EFCAB7: variants seen among roughly 807,000 people sequenced by gnomAD.
EFCAB7 encodes the protein EF-hand calcium binding domain 7, also known as EF-hand calcium-binding domain-containing protein 7.
A neutral mutation model predicts 77.1 loss-of-function variants in EFCAB7; 66 were observed. That is an observed-to-expected ratio of 0.86 (90% CI 0.70 to 1.05). The LOEUF (loss-of-function observed/expected upper bound fraction) is 1.05, where lower values mean the gene tolerates loss of function less well. Among genes scored for constraint, EFCAB7 ranks in the 50% least tolerant of loss-of-function variants. The pLI is 0.00. For missense variants in EFCAB7, 638 were observed against 730.5 expected (o/e 0.87, Z 1.46); for synonymous variants, 225 against 243.3 (o/e 0.92, Z 0.70).
At chr1:63,534,654 T>G (rs986757787) in intron 6 of EFCAB7, among the ~76,000 whole-genome samples, 1 of 152,116 alleles carries the variant, frequency 6.6e-6, no homozygotes, top group Non-Finnish European at 1.5e-5. Flanking sequence ...ACTCAACCTT[T>G]ACTAGTTTTC....
intron 2 of EFCAB7, among the ~76,000 whole-genome samples, chr1:63,527,051 C>T (rs1393667702): frequency 1.3e-5 from 2 of 152,222 alleles, no homozygotes; most frequent in East Asian, 3.9e-4. Flanking sequence ...AGGCGTGAGC[C>T]ACCACGCCTG....
At chr1:63,542,687 T>A (rs1456878600) in intron 6 of EFCAB7, among the ~76,000 whole-genome samples, 1 of 152,208 alleles carries the variant, frequency 6.6e-6, no homozygotes, top group Non-Finnish European at 1.5e-5. Context: ...AGGTTATGAT[T>A]TGTCTTTCCT....
intron 10 of EFCAB7, 26 bp downstream of exon 10, chr1:63,557,273 G>T: frequency 6.4e-7 from 1 of 1,574,642 alleles, no homozygotes; most frequent in Non-Finnish European, 8.6e-7. Context: ...TTCCTTAACA[G>T]ATGTATAAAA....
chr1:63,554,449 C>G (rs540746195), intron 8 of EFCAB7, among the ~76,000 whole-genome samples: 90 of 152,316 alleles, frequency 5.9e-4, no homozygotes, highest in African/African-American at 2.1e-3. Context: ...AAGTGATTCT[C>G]CTGCCTCAGC....
intron 2 of EFCAB7, 60 bp downstream of exon 2, chr1:63,525,819 G>A (rs35446626): frequency 0.15 from 177,318 of 1,153,248 alleles, 14,305 homozygotes; most frequent in Middle Eastern, 0.26. Context: ...AAATAGGTCC[G>A]AAAGACTGAA....
chr1:63,530,734 A>T (rs1304927040), intron 2 of EFCAB7, among the ~76,000 whole-genome samples: 1 of 152,202 alleles, frequency 6.6e-6, no homozygotes, highest in Non-Finnish European at 1.5e-5. Flanking sequence ...CTTTATGTGC[A>T]TATATTTGAC....
rs956669227 is a variant in EFCAB7, at chr1:63,534,149, C to T, written c.737C>T (p.Ser246Phe). Residue 246 changes from serine (S) to phenylalanine (F), a missense_variant, in exon 6 of 14, where the codon TCC becomes TTC. Physicochemically the swap from Ser to Phe is radical, Grantham distance 155. Coordinates refer to ENST00000371088, the MANE Select transcript of EFCAB7 (RefSeq NM_032437.4). Reference sequence around the variant, plus strand: ...ACCAGGAAGTTCAAAACATCTGTTTCCTTCACAGTTACCATGGGGGCTAAT... The same window carrying T: ...ACCAGGAAGTTCAAAACATCTGTTTTCTTCACAGTTACCATGGGGGCTAAT... ...SATRKFKTSV[S>F]FTVTMGANGN... is the part of the protein sequence containing the mutation. 1.9e-6 allele frequency: 3 copies of T among 1,613,382 alleles called. No homozygotes were observed. The highest frequency in any genetic ancestry group is 2.5e-6 in the Non-Finnish European group (3 of 1,179,556).
intron 6 of EFCAB7, among the ~76,000 whole-genome samples, chr1:63,544,259 T>A (rs1646867887): frequency 6.6e-6 from 1 of 151,144 alleles, no homozygotes; most frequent in South Asian, 2.1e-4. Context: ...TGTGAGCCAC[T>A]GTGGCTGGCC....
rs373492103 is a variant in EFCAB7, at chr1:63,568,500, C to G, written c.1688C>G (p.Thr563Arg). Residue 563 changes from threonine to arginine, a missense_variant, in exon 12 of 14, where the codon ACG becomes AGG. Transcript: ENST00000371088. Reference sequence around the variant, plus strand: ...ACTTACAGTTGTGACACCTGGATAACGTCAGTTATTGAAAACAAGGTATCA... The same window carrying G: ...ACTTACAGTTGTGACACCTGGATAAGGTCAGTTATTGAAAACAAGGTATCA... ...VHTYSCDTWI[T>R]SVIENKSDEK... 3.7e-6 allele frequency: 6 copies of G among 1,600,936 alleles called. No homozygotes were observed. The highest frequency in any genetic ancestry group is 3.4e-6 in the Non-Finnish European group (4 of 1,176,056).
chr1:63,576,244 C>T (rs1480291441), downstream of EFCAB7, among the ~76,000 whole-genome samples: 1 of 152,088 alleles, frequency 6.6e-6, no homozygotes, highest in East Asian at 1.9e-4. Flanking sequence ...ACTTGGGAGG[C>T]CGAGGCTGGC....
chr1:63,560,837 C>CTAT (rs1207512899), intron 10 of EFCAB7, among the ~76,000 whole-genome samples: 2 of 152,092 alleles, frequency 1.3e-5, no homozygotes, highest in Non-Finnish European at 2.9e-5. Flanking sequence ...ATGTTTTAAG[C>CTAT]TATTAATCAG....
intron 11 of EFCAB7, among the ~76,000 whole-genome samples, 189 bp downstream of exon 11, chr1:63,562,046 T>C (rs1174251841): frequency 6.6e-6 from 1 of 152,152 alleles, no homozygotes; most frequent in East Asian, 1.9e-4. Flanking sequence ...TGAAATTTAG[T>C]TACTGCCAAC....
At chr1:63,537,457 A>G (rs1646776985) in intron 6 of EFCAB7, among the ~76,000 whole-genome samples, 1 of 152,210 alleles carries the variant, frequency 6.6e-6, no homozygotes, top group South Asian at 2.1e-4. Flanking sequence ...TCTACATTGT[A>G]TACCATTTAT....
intron 1 of EFCAB7, 89 bp downstream of exon 1, chr1:63,523,723 C>T (rs960840735): frequency 2.5e-5 from 4 of 161,170 alleles, no homozygotes; most frequent in African/African-American, 9.6e-5. Flanking sequence ...GTCTACTTCT[C>T]TGTCATAAAC....
rs1270907989 is a variant in EFCAB7, at chr1:63,545,133, G to A, written c.805-783G>A. Among the ~76,000 whole-genome samples the A allele has an allele frequency of 2.0e-5, 3 of 151,498 alleles. 1 individual carries two copies. In the South Asian group the frequency reaches 6.3e-4, roughly 32 times the overall value. ...AGGGTTTCACCATGTTGGCCAGCCTGGTCTTGAACTCCTGATCTCATGATC... is the reference window on the plus strand; with the variant it reads ...AGGGTTTCACCATGTTGGCCAGCCTAGTCTTGAACTCCTGATCTCATGATC... On this transcript the variant is annotated intron_variant, in intron 6 of 13. Transcript: ENST00000371088.
downstream of EFCAB7, among the ~76,000 whole-genome samples, chr1:63,575,450 G>T (rs1647384573): frequency 6.6e-6 from 1 of 151,952 alleles, no homozygotes; most frequent in South Asian, 2.1e-4. Flanking sequence ...GCCACCAGAG[G>T]GTGAGCATAT....
In EFCAB7 at chr1:63,571,134, G is replaced by A. The variant is rs1231516882; in HGVS notation, c.1815+6G>A. The A allele has an allele frequency of 2.5e-6, 4 of 1,586,598 alleles. No homozygotes were observed. The highest frequency in any genetic ancestry group is 3.4e-6 in the Non-Finnish European group (4 of 1,164,092). On this transcript the variant is annotated splice_donor_region_variant and intron_variant, in intron 13 of 13. Coordinates refer to ENST00000371088, the MANE Select transcript of EFCAB7 (RefSeq NM_032437.4). ...TGGGACCCAAATCTACAATGGTAAT[G>A]TATTATTTTCTAATTAAAGCCTTTT...
chr1:63,540,816 T>C (rs534991254), intron 6 of EFCAB7, among the ~76,000 whole-genome samples: 1 of 152,206 alleles, frequency 6.6e-6, no homozygotes, highest in African/African-American at 2.4e-5. Context: ...GACTGAAAGC[T>C]TGAGTATAGT....
downstream of EFCAB7, among the ~76,000 whole-genome samples, chr1:63,577,688 G>A (rs527794944): frequency 6.6e-6 from 1 of 152,154 alleles, no homozygotes; most frequent in South Asian, 2.1e-4. Context: ...TAAGTAGTAG[G>A]TGTCATCTCT....
Sources: allele counts gnomAD v4.1 joint callset (sites outside exome capture counted in the v4.1 genomes callset), GRCh38; gene constraint gnomAD v4.1.1; transcripts MANE v1.5; gene names NCBI Gene and HGNC (gene_info 2026-07-23, HGNC 2026-07-21).